The following SRCIN1 variants were observed in gnomAD, a reference collection of about 807,000 sequenced individuals.
SRCIN1 encodes SRC kinase signaling inhibitor 1.
Under a neutral mutation model 116.2 loss-of-function variants are expected in SRCIN1, and 50 were observed. That is an observed-to-expected ratio of 0.43 (90% CI 0.34 to 0.54). The LOEUF is 0.54. SRCIN1 is among the 20% of genes least tolerant of loss of function. SRCIN1 has a pLI of 0.02. For missense variants in SRCIN1, 1,446 were observed against 1,672.0 expected (o/e 0.86, Z 2.36); for synonymous variants, 736 against 750.0 (o/e 0.98, Z 0.30).
rs1468663885 is a variant in SRCIN1, at chr17:38,572,672, G to T, written c.325-4441C>A. ...CCCACAGTCGCTCCCCCTTACCTGC[G>T]GCCACAGGTGTACGTGCGGGGTCCC... On this transcript the variant is annotated intron_variant, in intron 2 of 18. Transcript: ENST00000617146. This position sits in a 1 kb window ranked among gnomAD's most constrained non-coding sequence, Gnocchi z 4.3. 1 of 150,800 alleles carries T rather than the reference G, an allele frequency of 6.6e-6. No homozygotes were observed. The highest frequency in any genetic ancestry group is 2.0e-4 in the East Asian group (1 of 5,100). The allele number at this position is 150,800 out of a possible 1,614,324, so 9.3% of individuals were successfully genotyped here.
At chr17:38,540,041 AAAGT>A (rs1904631752) in intron 18 of SRCIN1, among the ~76,000 whole-genome samples, 1 of 151,634 alleles carries the variant, frequency 6.6e-6, no homozygotes, top group South Asian at 2.1e-4. Flanking sequence ...AAAAAAAAAA[AAAGT>A]ATCTTCATTT....
upstream of SRCIN1, among the ~76,000 whole-genome samples, chr17:38,606,324 G>A (rs1909367144): frequency 6.6e-6 from 1 of 151,982 alleles, no homozygotes; most frequent in African/African-American, 2.4e-5. The surrounding 1 kb of genome is among the most constrained non-coding windows in gnomAD (Gnocchi z 5.2). Flanking sequence ...GCCTAGGGAT[G>A]GAAAGGCTCT....
Position 38,578,811 on chromosome 17 carries a change from C to A in SRCIN1, c.23-20G>T. 2.7e-6 allele frequency: 4 copies of A among 1,467,094 alleles called. No homozygotes were observed. The highest frequency in any genetic ancestry group is 2.5e-5 in the East Asian group (1 of 39,660). The allele number at this position is 1,467,094 out of a possible 1,614,324, so 90.9% of individuals were successfully genotyped here. A position where few individuals can be genotyped will look rare whatever the true frequency, so the allele number is the denominator to read the frequency against. On this transcript the variant is annotated intron_variant, in intron 1 of 18. Coordinates refer to ENST00000617146, the MANE Select transcript of SRCIN1 (RefSeq NM_025248.3). ...CCGGATCTGCGAGAGGTGAGAGGGGCACGGCTGGGTCACGGCGCGCCCGGC... is the reference window on the plus strand; with the variant it reads ...CCGGATCTGCGAGAGGTGAGAGGGGAACGGCTGGGTCACGGCGCGCCCGGC...
In SRCIN1 at chr17:38,540,340, C is replaced by T. The variant is rs561841812; in HGVS notation, c.3417+3483G>A. Among the ~76,000 whole-genome samples the T allele has an allele frequency of 4.6e-5, 7 of 152,356 alleles. No individual in the cohort carries two copies. The South Asian group carries it at 1.2e-3, about 27-fold the overall frequency. On this transcript the variant is annotated intron_variant, in intron 18 of 18. Transcript: ENST00000617146. ...TCCCAGCACTTCTAGTCCCCTCCATCTCAACATTATCAAAGACAGCTTGGA... is the reference window on the plus strand; with the variant it reads ...TCCCAGCACTTCTAGTCCCCTCCATTTCAACATTATCAAAGACAGCTTGGA...
At chr17:38,554,447 T>G (rs995286465) in intron 11 of SRCIN1, among the ~76,000 whole-genome samples, 5 of 152,094 alleles carry the variant, frequency 3.3e-5, no homozygotes, top group African/African-American at 1.2e-4. Context: ...GCCTAGAATA[T>G]TCCATTCACC....
intron 1 of SRCIN1, among the ~76,000 whole-genome samples, chr17:38,586,527 A>G (rs1908121622): frequency 6.6e-6 from 1 of 151,500 alleles, no homozygotes; most frequent in South Asian, 2.1e-4. Context: ...GAGTCACCAC[A>G]TGGACTCCCT....
rs1409000782 is a variant in SRCIN1, at chr17:38,530,045, A to G, written c.*3252T>C. ...GAGATCCAGGAGAGGAAAAAGAAAC[A>G]AGTTTTATTAAAGCCCCAAACACTT... On this transcript the variant is annotated 3_prime_UTR_variant, in exon 19 of 19. Transcript: ENST00000617146. 1 of 152,264 alleles carries G rather than the reference A, an allele frequency of 6.6e-6. No individual in the cohort carries two copies. The highest frequency in any genetic ancestry group is 1.5e-5 in the Non-Finnish European group (1 of 68,064). 9.4% of individuals were successfully genotyped at this position (152,264 alleles called of 1,614,324 possible).
intron 17 of SRCIN1, chr17:38,547,789 G>C: frequency 3.7e-6 from 1 of 269,638 alleles, no homozygotes; most frequent in Non-Finnish European, 7.5e-6. Context: ...CTGAGCCCCC[G>C]GGGGGCCCCA....
intron 1 of SRCIN1, among the ~76,000 whole-genome samples, chr17:38,598,995 G>GTGTGTA (rs1908872117): frequency 6.6e-6 from 1 of 152,104 alleles, no homozygotes; most frequent in Admixed American, 6.5e-5. Flanking sequence ...ATGAGTGTGT[G>GTGTGTA]TGTGTATGTG....
chr17:38,559,572 G>A lies in SRCIN1; in HGVS notation c.2025+13C>T. The A allele has an allele frequency of 6.3e-7, 1 of 1,596,640 alleles. No individual in the cohort carries two copies. The highest frequency in any genetic ancestry group is 2.2e-5 in the East Asian group (1 of 44,754). On this transcript the variant is annotated intron_variant, in intron 10 of 18. Coordinates refer to ENST00000617146, the MANE Select transcript of SRCIN1 (RefSeq NM_025248.3). ...TGGGCGTTGGTGGGGCGGGGCCCAG[G>A]ACGGGGCGGTACCTGGAGCTTGCGC...
intron 1 of SRCIN1, among the ~76,000 whole-genome samples, chr17:38,592,247 T>C (rs886751925): frequency 1.3e-5 from 2 of 152,118 alleles, no homozygotes; most frequent in African/African-American, 2.4e-5. Context: ...TCGGCACCTG[T>C]CACCACGCCG....
chr17:38,592,684 A>C (rs1221775674), intron 1 of SRCIN1, among the ~76,000 whole-genome samples: 1 of 152,224 alleles, frequency 6.6e-6, no homozygotes, highest in Non-Finnish European at 1.5e-5. Flanking sequence ...AGTGCCTGGC[A>C]CATGTGTCAT....
chr17:38,588,180 C>G (rs770228259), intron 1 of SRCIN1, among the ~76,000 whole-genome samples: 7 of 152,172 alleles, frequency 4.6e-5, no homozygotes, highest in Non-Finnish European at 8.8e-5. Context: ...TGATCTACCC[C>G]GGAGCCCGAT....
At position 38,562,153 on chromosome 17, in the gene SRCIN1, G is replaced by A. The variant is rs903328986; in HGVS notation, c.1010C>T (p.Pro337Leu). The A allele has an allele frequency of 2.6e-5, 35 of 1,366,504 alleles. No individual in the cohort carries two copies. The highest frequency in any genetic ancestry group is 1.2e-4 in the Admixed American group (3 of 25,502). The allele number at this position is 1,366,504 out of a possible 1,614,324, so 84.6% of individuals were successfully genotyped here. The change falls in exon 7 of 19, where the codon CCG (proline) becomes CTG (leucine). Residue 337 changes from proline to leucine, a missense_variant. Pro to Leu is a moderately conservative substitution (Grantham distance 98). Coordinates refer to ENST00000617146, the MANE Select transcript of SRCIN1 (RefSeq NM_025248.3). This position sits in a 1 kb window ranked among gnomAD's most constrained non-coding sequence, Gnocchi z 4.2. Reference protein sequence around the residue: ...RSRLSYAGGRPPSYAGSPVHH... With the variant: ...RSRLSYAGGRLPSYAGSPVHH... ...CACCGGGCTGCCGGCGTACGAAGGC[G>A]GGCGCCCCCCGGCGTACGATAGGCG...
rs1268198333 is a variant in SRCIN1 at position 38,551,737 on chromosome 17, T to A, written c.2727+149A>T. 3 of 1,299,318 alleles carry A rather than the reference T, an allele frequency of 2.3e-6. No individual in the cohort carries two copies. The South Asian group carries it at 3.8e-5, about 16-fold the overall frequency. The allele number at this position is 1,299,318 out of a possible 1,614,324, so 80.5% of individuals were successfully genotyped here. A position where few individuals can be genotyped will look rare whatever the true frequency, so the allele number is the denominator to read the frequency against. On this transcript the variant is annotated intron_variant, in intron 14 of 18. Transcript: ENST00000617146. Reference sequence around the variant, plus strand: ...TCTAGGAGGGCTAATGTCACCCTCATTATGCTTCTTAGGCTTCCATTAGGG... The same window carrying A: ...TCTAGGAGGGCTAATGTCACCCTCAATATGCTTCTTAGGCTTCCATTAGGG...
In SRCIN1 at chr17:38,578,750, C is replaced by G; in HGVS notation, c.64G>C (p.Ala22Pro). 1 of 1,525,640 alleles carries G rather than the reference C, an allele frequency of 6.6e-7. No homozygotes were observed. Among genetic ancestry groups the G allele is most frequent in the Non-Finnish European group, 8.8e-7 (1 of 1,140,978 alleles). 94.5% of individuals were successfully genotyped at this position (1,525,640 alleles called of 1,614,324 possible). A position where few individuals can be genotyped will look rare whatever the true frequency, so the allele number is the denominator to read the frequency against. The stretch of plus-strand genomic sequence containing the variant: ...GTCCGGTACTCCCGCGGGTACTCCG[C>G]ATCGTCCGCAGACAGCATGGGGGGG... ...SSPPMLSADD[A>P]EYPREYRTLG... Residue 22 changes from alanine to proline, a missense_variant, in exon 2 of 19, where the codon GCG becomes CCG. By Grantham distance (27) the Ala-to-Pro change is conservative. Transcript: ENST00000617146.
At chr17:38,574,265 C>A (rs1467172313) in intron 2 of SRCIN1, among the ~76,000 whole-genome samples, 2 of 152,202 alleles carry the variant, frequency 1.3e-5, no homozygotes, top group Admixed American at 6.5e-5. Context: ...GGAGCCCAGG[C>A]CCCTGGTATC....
chr17:38,550,983 T>C (rs985275763), intron 15 of SRCIN1, among the ~76,000 whole-genome samples, 172 bp downstream of exon 15: 9 of 152,216 alleles, frequency 5.9e-5, no homozygotes, highest in Admixed American at 2.6e-4. Context: ...GCTTGCCCTG[T>C]CCTTCTGGGT....
At chr17:38,600,956 G>C (rs924866100) in intron 1 of SRCIN1, 4 of 152,326 alleles carry the variant, frequency 2.6e-5, no homozygotes, top group African/African-American at 9.6e-5. Context: ...CAAAAGCATG[G>C]GCCAATGGGC....
Sources: gnomAD v4.1 joint callset for allele counts (sites outside exome capture counted in the v4.1 genomes callset) on GRCh38, gnomAD v4.1.1 for gene constraint, Gnocchi (gnomAD v3.1) non-coding constraint, MANE v1.5 for transcripts, NCBI Gene and HGNC (gene_info 2026-07-23, HGNC 2026-07-21) for gene names.